The following CACNA2D3 variants were observed in gnomAD, a reference collection of about 807,000 sequenced individuals.
The protein encoded by CACNA2D3 is voltage-dependent calcium channel subunit alpha-2/delta-3.
CACNA2D3 carries 60 observed loss-of-function variants against 160.6 expected under a neutral mutation model. The ratio of observed to expected loss-of-function variants is 0.37; its 90% CI spans 0.30 to 0.46. The LOEUF (loss-of-function observed/expected upper bound fraction) is 0.46, where lower values mean the gene tolerates loss of function less well. CACNA2D3 is among the 20% of genes least tolerant of loss of function. The probability of loss-of-function intolerance (pLI) is 1.00; values close to 1 mark genes in which losing one functional copy is unlikely to be tolerated. For missense variants in CACNA2D3, 1,205 were observed against 1,365.0 expected (o/e 0.88, Z 1.85); for synonymous variants, 558 against 492.9 (o/e 1.13, Z -1.75).
At chr3:54,455,699 A>G (rs1204544084) in intron 4 of CACNA2D3, among the ~76,000 whole-genome samples, 2 of 152,006 alleles carry the variant, frequency 1.3e-5, no homozygotes, top group Non-Finnish European at 1.5e-5. Context: ...CTCATTTCAT[A>G]ATTTCATTTT....
chr3:54,541,105 A>T (rs11719131), intron 5 of CACNA2D3, among the ~76,000 whole-genome samples: 1 of 151,714 alleles, frequency 6.6e-6, no homozygotes, highest in Non-Finnish European at 1.5e-5. Flanking sequence ...GTGAAACCCC[A>T]TCTCTACTAA....
chr3:54,274,408 C>A (rs1702690670), intron 2 of CACNA2D3, among the ~76,000 whole-genome samples: 1 of 152,130 alleles, frequency 6.6e-6, no homozygotes, highest in African/African-American at 2.4e-5. Flanking sequence ...CAAGTCTCCT[C>A]AGACACCTTT....
chr3:55,045,117 T>TGGCTC (rs1559472532), intron 35 of CACNA2D3, among the ~76,000 whole-genome samples: 1 of 151,926 alleles, frequency 6.6e-6, no homozygotes, highest in African/African-American at 2.4e-5. Flanking sequence ...GGTATGATCT[T>TGGCTC]GGCTCACTGC....
chr3:54,235,495 C>T (rs867035275), intron 2 of CACNA2D3, among the ~76,000 whole-genome samples: 6 of 152,110 alleles, frequency 3.9e-5, no homozygotes, highest in African/African-American at 9.7e-5. Context: ...AACCAGACCT[C>T]GTGAGCACTC....
intron 5 of CACNA2D3, among the ~76,000 whole-genome samples, chr3:54,509,669 C>T (rs1181026701): frequency 6.6e-6 from 1 of 152,084 alleles, no homozygotes; most frequent in Non-Finnish European, 1.5e-5. Context: ...TCCAGGAACC[C>T]CTATTCCAGC....
chr3:55,074,052 G>C, intron 37 of CACNA2D3, 62 bp from the exon 38 acceptor site: 1 of 1,384,702 alleles, frequency 7.2e-7, no homozygotes, highest in Non-Finnish European at 1.0e-6. Context: ...GAGAGGTCTG[G>C]GGAAAGTTGA....
intron 4 of CACNA2D3, among the ~76,000 whole-genome samples, chr3:54,469,412 A>G (rs1482600723): frequency 6.6e-6 from 1 of 152,204 alleles, no homozygotes; most frequent in Admixed American, 6.5e-5. Flanking sequence ...CAAAAACCTC[A>G]TCCGAATGTC....
chr3:54,596,802 G>A (rs4955919), intron 9 of CACNA2D3, among the ~76,000 whole-genome samples: 4,922 of 152,040 alleles, frequency 0.032, 118 homozygotes, highest in South Asian at 0.075. Flanking sequence ...TCTCCTTCCT[G>A]TTCTCCCACA....
intron 34 of CACNA2D3, among the ~76,000 whole-genome samples, chr3:55,015,483 A>T (rs964811822): frequency 6.6e-6 from 1 of 152,260 alleles, no homozygotes; most frequent in Non-Finnish European, 1.5e-5. Context: ...TGTAGCTGTT[A>T]TGCCATCATT....
At chr3:55,040,272 T>G (rs1367726530) in intron 35 of CACNA2D3, among the ~76,000 whole-genome samples, 1 of 152,162 alleles carries the variant, frequency 6.6e-6, no homozygotes, top group Non-Finnish European at 1.5e-5. Context: ...GGTAAGAGTT[T>G]CAACATATGA....
At chr3:54,687,578 GAAATA>G (rs1207840778) in intron 11 of CACNA2D3, among the ~76,000 whole-genome samples, 1 of 152,082 alleles carries the variant, frequency 6.6e-6, no homozygotes, top group East Asian at 1.9e-4. Context: ...CAAAAGTTTT[GAAATA>G]GACTATCTAA....
rs148708490 is a variant in CACNA2D3 at position 54,578,068 on chromosome 3, C to T, written c.889-3735C>T. 5.3e-5 allele frequency among the ~76,000 whole-genome samples: 8 copies of T among 152,304 alleles called. No individual in the cohort carries two copies. The East Asian group carries it at 1.5e-3, about 29-fold the overall frequency. ...GGCAGCCTGGGCCCACTCCTGTCTT[C>T]CTAAGAGACTCTTCCCATTTCCCAG... On this transcript the variant is annotated intron_variant, in intron 8 of 37. Coordinates refer to ENST00000474759, the MANE Select transcript of CACNA2D3 (RefSeq NM_018398.3).
At chr3:54,656,541 A>T (rs915163945) in intron 11 of CACNA2D3, among the ~76,000 whole-genome samples, 2 of 152,138 alleles carry the variant, frequency 1.3e-5, no homozygotes, top group African/African-American at 4.8e-5. Flanking sequence ...TTTCCTTTGT[A>T]GGATAGGCCA....
intron 17 of CACNA2D3, among the ~76,000 whole-genome samples, chr3:54,849,495 G>A (rs1454850317): frequency 1.3e-5 from 2 of 152,158 alleles, no homozygotes; most frequent in Non-Finnish European, 2.9e-5. Flanking sequence ...GGTTCTTCTG[G>A]AGGTTGTAAA....
intron 2 of CACNA2D3, among the ~76,000 whole-genome samples, chr3:54,306,935 A>G (rs1000657593): frequency 1.3e-5 from 2 of 152,196 alleles, no homozygotes; most frequent in Non-Finnish European, 2.9e-5. Context: ...CTGGCTTCTC[A>G]TCACAAACAG....
intron 5 of CACNA2D3, among the ~76,000 whole-genome samples, chr3:54,504,042 G>T (rs1701332261): frequency 6.6e-6 from 1 of 152,188 alleles, no homozygotes; most frequent in African/African-American, 2.4e-5. Flanking sequence ...TACAAAAAGA[G>T]ATGGCTGGAT....
At chr3:54,899,711 A>G in intron 26 of CACNA2D3, 77 bp from the exon 27 acceptor site, 2 of 1,090,972 alleles carry the variant, frequency 1.8e-6, no homozygotes, top group Non-Finnish European at 2.7e-6. Context: ...TGGTGACTGT[A>G]GACCGATATG....
chr3:54,793,784 A>T (rs1702810045), intron 13 of CACNA2D3, among the ~76,000 whole-genome samples: 1 of 152,188 alleles, frequency 6.6e-6, no homozygotes, highest in African/African-American at 2.4e-5. Context: ...TTTCTAAAAC[A>T]TGTTTTTGTT....
chr3:54,566,996 A>G (rs1000564011), intron 6 of CACNA2D3, among the ~76,000 whole-genome samples: 3 of 152,160 alleles, frequency 2.0e-5, no homozygotes, highest in Non-Finnish European at 4.4e-5. Flanking sequence ...TGGGGAGAGT[A>G]TGATTGATAT....
Sources: gnomAD v4.1 joint callset for allele counts (sites outside exome capture counted in the v4.1 genomes callset) on GRCh38, gnomAD v4.1.1 for gene constraint, MANE v1.5 for transcripts, NCBI Gene and HGNC (gene_info 2026-07-23, HGNC 2026-07-21) for gene names.